PITPNC1: variants seen among roughly 807,000 people sequenced by gnomAD.
The protein encoded by PITPNC1 is cytoplasmic phosphatidylinositol transfer protein 1.
Under a neutral mutation model 44.7 loss-of-function variants are expected in PITPNC1, and 18 were observed. The observed-to-expected ratio is 0.40, with a 90% CI of 0.28 to 0.60. The LOEUF is 0.60. Among genes scored for constraint, PITPNC1 ranks in the 20% least tolerant of loss-of-function variants. The pLI is 0.39. For synonymous variants in PITPNC1, 141 were observed against 149.6 expected (o/e 0.94, Z 0.42); for missense variants, 290 against 418.4 (o/e 0.69, Z 2.68).
chr17:67,470,645 G>A (rs6504512), intron 1 of PITPNC1, among the ~76,000 whole-genome samples: 16,951 of 151,998 alleles, frequency 0.11, 2,390 homozygotes, highest in African/African-American at 0.33. Context: ...CTGCCCGGCC[G>A]CCCCTACTGG....
Position 67,552,363 on chromosome 17 carries a change from C to A in PITPNC1, c.286+18C>A. 3 of 1,176,404 alleles carry A rather than the reference C, an allele frequency of 2.6e-6. No individual in the cohort carries two copies. The highest frequency in any genetic ancestry group is 1.3e-6 in the Non-Finnish European group (1 of 779,992). 72.9% of individuals were successfully genotyped at this position (1,176,404 alleles called of 1,614,324 possible). On this transcript the variant is annotated intron_variant, in intron 3 of 8. Coordinates refer to ENST00000581322, the MANE Select transcript of PITPNC1 (RefSeq NM_012417.4). ...AATTACAGGTAAGTCCTTAGTACAA[C>A]CATATGGCACATGTAGTGAGTGCAA...
intron 5 of PITPNC1, among the ~76,000 whole-genome samples, chr17:67,586,471 T>TG (rs1405740204): frequency 6.7e-6 from 1 of 149,964 alleles, no homozygotes; most frequent in Non-Finnish European, 1.5e-5. Context: ...GGTGCATGCC[T>TG]GTAATCCCTG....
At chr17:67,631,671 T>TATATATA (rs1272988970) in intron 5 of PITPNC1, among the ~76,000 whole-genome samples, 1 of 69,668 alleles carries the variant, frequency 1.4e-5, no homozygotes, top group Non-Finnish European at 3.1e-5. Context: ...TATATATATA[T>TATATATA]AAAATATATA....
At chr17:67,567,999 A>C (rs79261414) in intron 4 of PITPNC1, among the ~76,000 whole-genome samples, 3,642 of 152,306 alleles carry the variant, frequency 0.024, 60 homozygotes, top group South Asian at 0.037. Context: ...GGAGAAGAGA[A>C]GAGAAAAGAA....
At chr17:67,657,453 T>A (rs1005809908) in intron 6 of PITPNC1, among the ~76,000 whole-genome samples, 1 of 152,186 alleles carries the variant, frequency 6.6e-6, no homozygotes, top group Admixed American at 6.6e-5. Flanking sequence ...ACACCCTTTT[T>A]CTGTTTAATA....
Position 67,628,925 on chromosome 17 carries a change from T to G in PITPNC1, c.367-3218T>G, listed in dbSNP as rs971282270. On this transcript the variant is annotated intron_variant, in intron 5 of 8. Transcript: ENST00000581322. ...ATCCCCTTCCTCTTGCAGTGGCCCT[T>G]TAGGGCCCCCTACTGATGAGGCTCA... is the stretch of plus-strand genomic sequence containing the variant. Among the ~76,000 whole-genome samples, 5 of 152,170 alleles carry G rather than the reference T, an allele frequency of 3.3e-5. No individual in the cohort carries two copies. In the East Asian group the frequency reaches 9.6e-4, roughly 29 times the overall value.
intron 5 of PITPNC1, among the ~76,000 whole-genome samples, chr17:67,629,762 C>T (rs1418110214): frequency 2.6e-5 from 4 of 152,184 alleles, no homozygotes; most frequent in East Asian, 1.9e-4. Flanking sequence ...TGTTTCATTT[C>T]GAGGCAGTTC....
At chr17:67,381,996 G>C (rs1404764088) in intron 1 of PITPNC1, among the ~76,000 whole-genome samples, 1 of 152,184 alleles carries the variant, frequency 6.6e-6, no homozygotes, top group Admixed American at 6.6e-5. Flanking sequence ...GAAGGGTTAG[G>C]TAATGTGCTC....
At chr17:67,619,724 G>A (rs1223073688) in intron 5 of PITPNC1, among the ~76,000 whole-genome samples, 5 of 138,858 alleles carry the variant, frequency 3.6e-5, no homozygotes, top group South Asian at 2.4e-4. Flanking sequence ...TCCCCTCCCC[G>A]CTCCCAGCTC....
intron 5 of PITPNC1, among the ~76,000 whole-genome samples, chr17:67,625,453 G>A (rs987246172): frequency 1.3e-5 from 2 of 152,268 alleles, no homozygotes; most frequent in East Asian, 3.9e-4. Flanking sequence ...TCTGGCAGCT[G>A]CACCTGCCAC....
At chr17:67,685,052 T>C (rs919035992) in intron 8 of PITPNC1, among the ~76,000 whole-genome samples, 3 of 152,260 alleles carry the variant, frequency 2.0e-5, no homozygotes, top group Non-Finnish European at 2.9e-5. Context: ...TCTTTAAATT[T>C]TCAACTCCTA....
intron 8 of PITPNC1, among the ~76,000 whole-genome samples, chr17:67,690,738 C>T (rs1746318996): frequency 6.6e-6 from 1 of 152,130 alleles, no homozygotes; most frequent in Admixed American, 6.6e-5. Context: ...GCCCAGGTTC[C>T]TCTTTTCCCT....
rs1238863238 is a variant in PITPNC1 at position 67,669,628 on chromosome 17, G to A, written c.583G>A (p.Gly195Arg). 6.2e-7 allele frequency: 1 copy of A among 1,601,830 alleles called. No homozygotes were observed. The highest frequency in any genetic ancestry group is 8.5e-7 in the Non-Finnish European group (1 of 1,173,894). ...KLVTVKFEVW[G>R]LQTRVEQFVH... ...GGTGACTGTGAAGTTTGAGGTCTGG[G>A]GGCTTCAGACCAGAGTGGAACAATT... Residue 195 changes from glycine (G) to arginine (R), a missense_variant, in exon 7 of 9, where the codon GGG becomes AGG. Transcript: ENST00000581322.
chr17:67,420,867 T>A (rs1259439850), intron 1 of PITPNC1, among the ~76,000 whole-genome samples: 1 of 152,218 alleles, frequency 6.6e-6, no homozygotes, highest in Non-Finnish European at 1.5e-5. Context: ...TCAATAGCCC[T>A]TTACTCATAC....
chr17:67,622,183 G>A (rs957697843), intron 5 of PITPNC1, among the ~76,000 whole-genome samples: 1 of 151,374 alleles, frequency 6.6e-6, no homozygotes, highest in Admixed American at 6.6e-5. Context: ...CAGGAACCCG[G>A]GAGGCGGAGC....
At chr17:67,681,301 A>G (rs2042700430) in intron 8 of PITPNC1, among the ~76,000 whole-genome samples, 1 of 152,160 alleles carries the variant, frequency 6.6e-6, no homozygotes, top group Admixed American at 6.6e-5. Context: ...CATCTATAAT[A>G]TATAAAGAGG....
intron 5 of PITPNC1, among the ~76,000 whole-genome samples, chr17:67,631,078 T>C (rs1378993345): frequency 6.8e-6 from 1 of 147,058 alleles, no homozygotes; most frequent in Admixed American, 6.9e-5. Context: ...ATTATTATTA[T>C]TATTATTATT....
intron 5 of PITPNC1, chr17:67,613,519 T>G (rs2041716183): frequency 6.6e-6 from 1 of 152,222 alleles, no homozygotes; most frequent in Non-Finnish European, 1.5e-5. Flanking sequence ...GATTGGCTCA[T>G]TTATGTTACA....
At chr17:67,584,899 G>A (rs1356419599) in intron 5 of PITPNC1, among the ~76,000 whole-genome samples, 2 of 151,926 alleles carry the variant, frequency 1.3e-5, no homozygotes, top group Non-Finnish European at 2.9e-5. Context: ...CAGATCACCT[G>A]AGGTCGGGAG....
Sources: allele counts gnomAD v4.1 joint callset (sites outside exome capture counted in the v4.1 genomes callset), GRCh38; gene constraint gnomAD v4.1.1; transcripts MANE v1.5; gene names NCBI Gene and HGNC (gene_info 2026-07-23, HGNC 2026-07-21).